EGFLAM: variants seen among roughly 807,000 people sequenced by gnomAD.
EGFLAM encodes the protein pikachurin.
In EGFLAM, 79 loss-of-function variants were observed where a neutral mutation model predicts 113.1. The ratio of observed to expected loss-of-function variants is 0.70; its 90% CI spans 0.58 to 0.84. The LOEUF is 0.84. Ranked by LOEUF, EGFLAM falls within the 40% of genes least tolerant of loss-of-function variation. The pLI, the probability that EGFLAM is intolerant of heterozygous loss-of-function variation, is 0.00. For synonymous variants in EGFLAM, 504 were observed against 487.6 expected, an observed-to-expected ratio of 1.03 and a Z score of -0.44; for missense variants, 1,265 against 1,291.6, an observed-to-expected ratio of 0.98 and a Z score of 0.32.
At chr5:38,439,827 C>T (rs1290648507) in intron 17 of EGFLAM, among the ~76,000 whole-genome samples, 1 of 152,178 alleles carries the variant, frequency 6.6e-6, no homozygotes, top group African/African-American at 2.4e-5. Flanking sequence ...TTTCACACAT[C>T]AATGTTTGAA....
chr5:38,407,091 G>A lies in EGFLAM; in HGVS notation c.1092G>A (p.Trp364Ter), dbSNP rs1330820237. Residue 364 changes from tryptophan to a stop codon, truncating the protein, a stop_gained, in exon 8 of 22, where the codon TGG (tryptophan) becomes TGA (stop). Coordinates refer to ENST00000322350, the MANE Select transcript of EGFLAM (RefSeq NM_152403.4). LOFTEE classifies it high-confidence loss of function. ...GCTTCTGTGTCAATGACTACACCTG[G>A]GGGGGCTCGCGATGCCAGTGCACCC... ...ADSFCVNDYT[W>*]GGSRCQCTLG... 6.2e-7 allele frequency: 1 copy of A among 1,613,984 alleles called. No individual in the cohort carries two copies. Among genetic ancestry groups the A allele is most frequent in the East Asian group, 2.2e-5 (1 of 44,880 alleles).
intron 1 of EGFLAM, among the ~76,000 whole-genome samples, chr5:38,276,088 G>A (rs1198522478): frequency 6.6e-6 from 1 of 152,190 alleles, no homozygotes; most frequent in Non-Finnish European, 1.5e-5. Flanking sequence ...CATGGCTGGG[G>A]AAGCCTCATA....
At chr5:38,420,024 TAAAAAAC>T (rs927321944) in intron 12 of EGFLAM, among the ~76,000 whole-genome samples, 179 of 151,896 alleles carry the variant, frequency 1.2e-3, no homozygotes, top group African/African-American at 3.7e-3. Context: ...GAGACTGTCT[TAAAAAAC>T]AAAAAACAAA....
intron 1 of EGFLAM, chr5:38,286,364 A>G (rs1446858088): frequency 3.9e-5 from 6 of 152,294 alleles, no homozygotes; most frequent in African/African-American, 1.4e-4. Flanking sequence ...AAGTTGCTCT[A>G]CAGAAGGAGG....
intron 5 of EGFLAM, among the ~76,000 whole-genome samples, chr5:38,364,441 A>C (rs921505242): frequency 6.6e-5 from 10 of 152,330 alleles, no homozygotes; most frequent in Admixed American, 6.5e-4. Context: ...TGAGGAAGCC[A>C]CTTAAGCAGT....
intron 3 of EGFLAM, among the ~76,000 whole-genome samples, chr5:38,342,352 T>C (rs1366030670): frequency 1.3e-5 from 2 of 152,226 alleles, no homozygotes; most frequent in Non-Finnish European, 2.9e-5. Context: ...CCCCCTCCTT[T>C]TACCTCCTCT....
intron 6 of EGFLAM, among the ~76,000 whole-genome samples, chr5:38,383,622 C>T (rs575615108): frequency 9.2e-5 from 14 of 152,130 alleles, no homozygotes; most frequent in East Asian, 5.8e-4. Context: ...ATAGTGTCTC[C>T]GCCCTCATGA....
In EGFLAM at chr5:38,403,896, A is replaced by G. The variant is rs200814616; in HGVS notation, c.713-2230A>G. 35 of 1,613,892 alleles carry G rather than the reference A, an allele frequency of 2.2e-5. No homozygotes were observed. In the Admixed American group the frequency reaches 3.7e-4, roughly 17 times the overall value. ...CTTGAGAGAACATGCATCCAGGTATAAATCTGGCATCGACAGGTTGAATTT... is the reference window on the plus strand; with the variant it reads ...CTTGAGAGAACATGCATCCAGGTATGAATCTGGCATCGACAGGTTGAATTT... On this transcript the variant is annotated intron_variant, in intron 6 of 21. Transcript: ENST00000322350.
At position 38,373,602 on chromosome 5, in the gene EGFLAM, G is replaced by A. The variant is rs1006512242; in HGVS notation, c.712+3140G>A. 6.6e-5 allele frequency among the ~76,000 whole-genome samples: 10 copies of A among 152,104 alleles called. No homozygotes were observed. In the East Asian group the frequency reaches 1.9e-3, roughly 29 times the overall value. On this transcript the variant is annotated intron_variant, in intron 6 of 21. Coordinates refer to ENST00000322350, the MANE Select transcript of EGFLAM (RefSeq NM_152403.4). ...CTTAAAAGACGTGGGTTTGTTCTTT[G>A]TTATGGCTGCATAATATTCTGTAGT...
chr5:38,441,540 T>A (rs1367915630), intron 17 of EGFLAM, among the ~76,000 whole-genome samples: 1 of 151,980 alleles, frequency 6.6e-6, no homozygotes, highest in Non-Finnish European at 1.5e-5. Flanking sequence ...TAGAAGAATT[T>A]CACAAAGCTC....
chr5:38,427,343 C>T (rs1742050228), intron 14 of EGFLAM, 91 bp downstream of exon 14: 4 of 1,546,762 alleles, frequency 2.6e-6, no homozygotes, highest in Non-Finnish European at 3.5e-6. Flanking sequence ...CAACAGCTCA[C>T]ACTCATCCTG....
At chr5:38,291,727 T>C (rs145252444) in intron 1 of EGFLAM, among the ~76,000 whole-genome samples, 266 of 152,212 alleles carry the variant, frequency 1.7e-3, no homozygotes, top group African/African-American at 6.1e-3. Flanking sequence ...GATTAGGAGG[T>C]GACAAAAACC....
At chr5:38,427,620 T>A (rs1742059897) in intron 14 of EGFLAM, among the ~76,000 whole-genome samples, 1 of 152,314 alleles carries the variant, frequency 6.6e-6, no homozygotes, top group African/African-American at 2.4e-5. Context: ...ATACAGAGCA[T>A]CACATGATGG....
intron 1 of EGFLAM, among the ~76,000 whole-genome samples, chr5:38,322,652 C>T (rs1738772892): frequency 6.6e-6 from 1 of 152,214 alleles, no homozygotes; most frequent in East Asian, 1.9e-4. Context: ...AGGTAGATTA[C>T]TCCCTGGAAT....
chr5:38,299,608 C>T (rs1010832320), intron 1 of EGFLAM, among the ~76,000 whole-genome samples: 2 of 152,060 alleles, frequency 1.3e-5, no homozygotes, highest in Non-Finnish European at 2.9e-5. Flanking sequence ...GCCTTTAAAT[C>T]ATTAGTAGAA....
intron 14 of EGFLAM, 164 bp downstream of exon 14, chr5:38,427,416 G>T (rs2112193521): frequency 8.3e-7 from 1 of 1,206,130 alleles, no homozygotes; most frequent in Non-Finnish European, 1.1e-6. Flanking sequence ...GCAGATGACA[G>T]GCTTCCTATA....
intron 1 of EGFLAM, among the ~76,000 whole-genome samples, chr5:38,331,160 C>A (rs1359845853): frequency 6.6e-6 from 1 of 152,132 alleles, no homozygotes; most frequent in African/African-American, 2.4e-5. Context: ...TTCCCATATA[C>A]TCCCTGTCCC....
At chr5:38,278,552 G>A (rs913593063) in intron 1 of EGFLAM, among the ~76,000 whole-genome samples, 6 of 151,170 alleles carry the variant, frequency 4.0e-5, no homozygotes, top group African/African-American at 7.3e-5. Flanking sequence ...GCAGTGGCAC[G>A]AATTCAGCTC....
At chr5:38,396,475 G>A (rs1481083061) in intron 6 of EGFLAM, among the ~76,000 whole-genome samples, 1 of 152,164 alleles carries the variant, frequency 6.6e-6, no homozygotes, top group Non-Finnish European at 1.5e-5. Flanking sequence ...CATTTACCAT[G>A]TGCAGAGCAC....
Sources: gnomAD v4.1 joint callset for allele counts (sites outside exome capture counted in the v4.1 genomes callset) on GRCh38, gnomAD v4.1.1 for gene constraint, MANE v1.5 for transcripts, NCBI Gene and HGNC (gene_info 2026-07-23, HGNC 2026-07-21) for gene names.